Variants in ENPP1 observed in about 807,000 individuals in gnomAD.
ENPP1 encodes the protein ectonucleotide pyrophosphatase/phosphodiesterase family member 1.
Under a neutral mutation model 122.8 loss-of-function variants are expected in ENPP1, and 73 were observed. The ratio of observed to expected loss-of-function variants is 0.59; its 90% confidence interval spans 0.49 to 0.72. The LOEUF (loss-of-function observed/expected upper bound fraction) is 0.72, where lower values mean the gene tolerates loss of function less well. Ranked by LOEUF, ENPP1 falls within the 30% of genes least tolerant of loss-of-function variation. The pLI is 0.00. For synonymous variants in ENPP1, 367 were observed against 391.6 expected, an observed-to-expected ratio of 0.94 and a Z score of 0.74; for missense variants, 978 against 1,128.1, an observed-to-expected ratio of 0.87 and a Z score of 1.91.
At chr6:131,830,849 G>A (rs994422795) in intron 1 of ENPP1, among the ~76,000 whole-genome samples, 6 of 151,824 alleles carry the variant, frequency 4.0e-5, no homozygotes, top group African/African-American at 7.3e-5. Context: ...GGTGGCTCAC[G>A]CCTGTAATCC....
At position 131,865,172 on chromosome 6, in the gene ENPP1, A is replaced by G. The variant is rs80045736; in HGVS notation, c.1164+234A>G. Among the ~76,000 whole-genome samples the G allele has an allele frequency of 0.019, 2,860 of 152,348 alleles. 105 individuals carry two copies. The highest frequency in any genetic ancestry group is 0.066 in the African/African-American group (2,732 of 41,580). On this transcript the variant is annotated intron_variant, in intron 11 of 24. Coordinates refer to ENST00000647893, the MANE Select transcript of ENPP1 (RefSeq NM_006208.3). Reference sequence around the variant, plus strand: ...TTAAACTGATGATCAATTAGCTTCTATATTTTCAATTTGAAAGCCTTTATC... The same window carrying G: ...TTAAACTGATGATCAATTAGCTTCTGTATTTTCAATTTGAAAGCCTTTATC...
At chr6:131,884,007 C>T (rs927840933) in intron 22 of ENPP1, among the ~76,000 whole-genome samples, 3 of 152,086 alleles carry the variant, frequency 2.0e-5, no homozygotes, top group African/African-American at 4.8e-5. Flanking sequence ...GTATGTGATG[C>T]GCTTCCTAAA....
chr6:131,821,379 A>G (rs2114659714), intron 1 of ENPP1, among the ~76,000 whole-genome samples: 1 of 152,342 alleles, frequency 6.6e-6, no homozygotes, highest in Non-Finnish European at 1.5e-5. Flanking sequence ...GAAAAAACTC[A>G]ATGGGCCTCC....
intron 6 of ENPP1, among the ~76,000 whole-genome samples, chr6:131,855,452 A>G (rs931130266): frequency 7.2e-5 from 11 of 151,988 alleles, no homozygotes; most frequent in African/African-American, 2.7e-4. Context: ...CAGCCTCCCA[A>G]GTAGCTGGGA....
chr6:131,861,434 G>C (rs992137345), intron 8 of ENPP1, among the ~76,000 whole-genome samples, 161 bp from the exon 9 acceptor site: 2 of 152,202 alleles, frequency 1.3e-5, no homozygotes, highest in Non-Finnish European at 2.9e-5. Flanking sequence ...TGCTGCTTAA[G>C]AGTCATATTA....
At chr6:131,812,733 A>G (rs918368186) in intron 1 of ENPP1, among the ~76,000 whole-genome samples, 3 of 152,236 alleles carry the variant, frequency 2.0e-5, no homozygotes, top group African/African-American at 7.2e-5. Context: ...TCAGGGAGGC[A>G]GGAGTTACTG....
intron 10 of ENPP1, 132 bp from the exon 11 acceptor site, chr6:131,864,734 G>A (rs754935989): frequency 2.0e-5 from 16 of 812,132 alleles, no homozygotes; most frequent in Non-Finnish European, 3.3e-5. Context: ...TTTCAAAGCT[G>A]TAAATTATTT....
At chr6:131,816,103 C>T (rs1585788695) in intron 1 of ENPP1, among the ~76,000 whole-genome samples, 2 of 152,222 alleles carry the variant, frequency 1.3e-5, no homozygotes, top group South Asian at 4.2e-4. Flanking sequence ...GTTTCATATT[C>T]AATTTTGCTC....
chr6:131,864,540 C>A lies in ENPP1; in HGVS notation c.1060C>A (p.Leu354Ile). 1 of 1,610,308 alleles carries A rather than the reference C, an allele frequency of 6.2e-7. No individual in the cohort carries two copies. Among genetic ancestry groups the A allele is most frequent in the South Asian group, 1.1e-5 (1 of 90,948 alleles). ...ATTTGAAGAAAGGATTTTAGCTGTTCTTCAGTGGCTACAGCTTCCTAAAGA... is the reference window on the plus strand; with the variant it reads ...ATTTGAAGAAAGGATTTTAGCTGTTATTCAGTGGCTACAGCTTCCTAAAGA... ...VPFEERILAVLQWLQLPKDER... is the reference protein window; with the variant it reads ...VPFEERILAVIQWLQLPKDER... Residue 354 changes from leucine to isoleucine, a missense_variant, in exon 10 of 25, where the codon CTT becomes ATT. Transcript: ENST00000647893.
chr6:131,858,843 T>A, intron 7 of ENPP1, 96 bp downstream of exon 7: 2 of 944,194 alleles, frequency 2.1e-6, no homozygotes, highest in Non-Finnish European at 3.4e-6. Flanking sequence ...GAAAAACAAC[T>A]TATTTTCCAA....
chr6:131,811,437 T>TATCTATATAC (rs1562506357), intron 1 of ENPP1, among the ~76,000 whole-genome samples: 1 of 151,512 alleles, frequency 6.6e-6, no homozygotes, highest in Non-Finnish European at 1.5e-5. Context: ...TATCTATATA[T>TATCTATATAC]ATGTAGAGAG....
intron 1 of ENPP1, 74 bp from the exon 2 acceptor site, chr6:131,847,702 T>TAAATAAGACA: frequency 9.4e-7 from 1 of 1,066,202 alleles, no homozygotes; most frequent in Non-Finnish European, 1.4e-6. Context: ...TAAGACACTA[T>TAAATAAGACA]CTCTAAAAAT....
rs544161884 is a variant in ENPP1 at position 131,880,160 on chromosome 6, A to T, written c.2100+126A>T. On this transcript the variant is annotated intron_variant, in intron 20 of 24. Coordinates refer to ENST00000647893, the MANE Select transcript of ENPP1 (RefSeq NM_006208.3). ...AGTTCCCGCATTAGAGGAACACTGA[A>T]GAGGGAGTCAGAAAAATTCAGTTCC... 15 of 981,490 alleles carry T rather than the reference A, an allele frequency of 1.5e-5. No homozygotes were observed. In the African/African-American group the frequency reaches 1.9e-4, roughly 12 times the overall value. 60.8% of individuals were successfully genotyped at this position (981,490 alleles called of 1,614,324 possible).
chr6:131,846,838 G>A (rs1421362660), intron 1 of ENPP1, among the ~76,000 whole-genome samples: 1 of 152,144 alleles, frequency 6.6e-6, no homozygotes, highest in Admixed American at 6.5e-5. Flanking sequence ...GGGTTATTCC[G>A]CTCCTTTGTC....
At position 131,886,649 on chromosome 6, in the gene ENPP1, G is replaced by A. The variant is rs569627580; in HGVS notation, c.2532G>A (p.Thr844=). The A allele has an allele frequency of 4.2e-5, 68 of 1,613,778 alleles. No individual in the cohort carries two copies. The South Asian group carries it at 4.6e-4, about 11-fold the overall frequency. ...CAAGCTGTAAAGATACATCTCAGAC[G>A]CCTTTGCACTGTGAAAACCTAGACA... ...VLTSCKDTSQ[T]PLHCENLDTL... is the part of the protein sequence containing the mutation. Residue 844 remains threonine, a synonymous_variant, in exon 24 of 25, where the codon ACG becomes ACA. Transcript: ENST00000647893.
At chr6:131,881,612 G>T (rs146162515) in intron 20 of ENPP1, among the ~76,000 whole-genome samples, 39 of 152,234 alleles carry the variant, frequency 2.6e-4, no homozygotes, top group Non-Finnish European at 4.3e-4. Flanking sequence ...TGACCAGCGC[G>T]GTGGCTCACG....
intron 1 of ENPP1, among the ~76,000 whole-genome samples, chr6:131,845,582 C>T (rs1351665903): frequency 6.6e-6 from 1 of 151,380 alleles, no homozygotes; most frequent in Non-Finnish European, 1.5e-5. Flanking sequence ...TAAGCGCCCC[C>T]GAGCAGCAGG....
At chr6:131,871,296 A>G (rs1782159201) in intron 13 of ENPP1, among the ~76,000 whole-genome samples, 1 of 152,212 alleles carries the variant, frequency 6.6e-6, no homozygotes, top group East Asian at 1.9e-4. Flanking sequence ...CTAAAATAAA[A>G]TCTAGGAAGC....
chr6:131,884,811 A>C (rs1216341101), intron 22 of ENPP1, 120 bp from the exon 23 acceptor site: 1 of 1,244,624 alleles, frequency 8.0e-7, no homozygotes, highest in Non-Finnish European at 1.2e-6. Flanking sequence ...ACTGAAGCCA[A>C]ACTTGACTTT....
Sources: allele counts gnomAD v4.1 joint callset (sites outside exome capture counted in the v4.1 genomes callset), GRCh38; gene constraint gnomAD v4.1.1; transcripts MANE v1.5; gene names NCBI Gene and HGNC (gene_info 2026-07-23, HGNC 2026-07-21).